The following UBASH3B variants were observed in gnomAD, a reference collection of about 807,000 sequenced individuals.
UBASH3B encodes ubiquitin associated and SH3 domain containing B.
In UBASH3B, 37 loss-of-function variants were observed where a neutral mutation model predicts 83.4. The observed-to-expected ratio is 0.44, with a 90% confidence interval of 0.34 to 0.58. The LOEUF (loss-of-function observed/expected upper bound fraction) is 0.58. UBASH3B is among the 20% of genes least tolerant of loss of function. The pLI is 0.01. For missense variants in UBASH3B, 657 were observed against 827.2 expected (o/e 0.79, Z 2.52); for synonymous variants, 304 against 318.3 (o/e 0.96, Z 0.48).
At chr11:122,760,757 A>C (rs958549326) in intron 1 of UBASH3B, among the ~76,000 whole-genome samples, 1 of 152,250 alleles carries the variant, frequency 6.6e-6, no homozygotes, top group Non-Finnish European at 1.5e-5. Flanking sequence ...TGGAGGACTC[A>C]GCATGCCATG....
intron 1 of UBASH3B, among the ~76,000 whole-genome samples, chr11:122,721,331 G>A (rs1254665828): frequency 2.0e-5 from 3 of 151,198 alleles, no homozygotes; most frequent in Non-Finnish European, 4.4e-5. Context: ...GCTCTTTATG[G>A]AATTCTGTTC....
chr11:122,746,224 C>T (rs1861116061), intron 1 of UBASH3B, among the ~76,000 whole-genome samples: 1 of 152,098 alleles, frequency 6.6e-6, no homozygotes, highest in African/African-American at 2.4e-5. Context: ...GCAGCTTTTA[C>T]GTTTTTATAA....
At chr11:122,728,225 C>T (rs1860778910) in intron 1 of UBASH3B, among the ~76,000 whole-genome samples, 1 of 151,240 alleles carries the variant, frequency 6.6e-6, no homozygotes, top group Non-Finnish European at 1.5e-5. Context: ...GTTGAGTTTA[C>T]ATGGGGAATA....
intron 1 of UBASH3B, among the ~76,000 whole-genome samples, chr11:122,706,178 G>A (rs560081644): frequency 4.3e-5 from 6 of 139,782 alleles, no homozygotes; most frequent in African/African-American, 1.4e-4. Flanking sequence ...GTGCAGTTGC[G>A]TGATCTCAGC....
At chr11:122,795,430 A>C (rs1350390932) in intron 7 of UBASH3B, among the ~76,000 whole-genome samples, 1 of 152,194 alleles carries the variant, frequency 6.6e-6, no homozygotes, top group Non-Finnish European at 1.5e-5. Flanking sequence ...CTAGAAGCAA[A>C]TGTGAAGTGC....
At position 122,687,588 on chromosome 11, in the gene UBASH3B, T is replaced by C. The variant is rs192232838; in HGVS notation, c.161+31378T>C. The stretch of plus-strand genomic sequence containing the variant: ...AGCACCTACTGCATGTCCTCTGCTA[T>C]GCTTCTACTATGTGTTTTGTATGCT... On this transcript the variant is annotated intron_variant, in intron 1 of 13. Coordinates refer to ENST00000284273, the MANE Select transcript of UBASH3B (RefSeq NM_032873.5). Among the ~76,000 whole-genome samples, 8 of 152,354 alleles carry C rather than the reference T, an allele frequency of 5.3e-5. No homozygotes were observed. The East Asian group carries it at 1.5e-3, about 29-fold the overall frequency.
rs77003034 is a variant in UBASH3B, at chr11:122,721,696, T to C, written c.162-54523T>C. Among the ~76,000 whole-genome samples the C allele has an allele frequency of 5.3e-3, 808 of 152,330 alleles. 11 individuals carry two copies. Among genetic ancestry groups the C allele is most frequent in the African/African-American group, 0.018 (766 of 41,556 alleles). ...GGTGGGAGCTACATTTGTTACTTAG[T>C]GGTTTCCAAAAGCCTTCCAGGATCT... On this transcript the variant is annotated intron_variant, in intron 1 of 13. Transcript: ENST00000284273.
chr11:122,794,486 C>G (rs769232709), intron 6 of UBASH3B, among the ~76,000 whole-genome samples: 1 of 152,100 alleles, frequency 6.6e-6, no homozygotes, highest in Admixed American at 6.6e-5. Context: ...GTGTGATCAC[C>G]ACACCCGGCC....
intron 13 of UBASH3B, among the ~76,000 whole-genome samples, chr11:122,808,766 G>C (rs183343079): frequency 1.3e-5 from 2 of 152,218 alleles, no homozygotes; most frequent in Non-Finnish European, 2.9e-5. Flanking sequence ...CAGAGAACCT[G>C]GTTCAAACTC....
intron 1 of UBASH3B, among the ~76,000 whole-genome samples, chr11:122,737,339 C>T (rs1035449076): frequency 6.6e-6 from 1 of 152,022 alleles, no homozygotes; most frequent in Non-Finnish European, 1.5e-5. Context: ...GGGCTTAACA[C>T]AGAGAGAAAA....
intron 4 of UBASH3B, among the ~76,000 whole-genome samples, chr11:122,781,495 C>G (rs929384676): frequency 1.3e-5 from 2 of 152,238 alleles, no homozygotes; most frequent in African/African-American, 4.8e-5. Context: ...GCAGTCGAAG[C>G]CCCAGCTTTC....
chr11:122,752,028 TAATAAACA>T (rs1350918193), intron 1 of UBASH3B, among the ~76,000 whole-genome samples: 3 of 152,224 alleles, frequency 2.0e-5, no homozygotes, highest in Non-Finnish European at 2.9e-5. Context: ...TATTTTAACT[TAATAAACA>T]AAAGGTATTT....
At chr11:122,715,065 C>T (rs1860490531) in intron 1 of UBASH3B, among the ~76,000 whole-genome samples, 1 of 152,196 alleles carries the variant, frequency 6.6e-6, no homozygotes, top group South Asian at 2.1e-4. Context: ...CCTGCCTCAG[C>T]CTCCCGCGTA....
intron 1 of UBASH3B, among the ~76,000 whole-genome samples, chr11:122,692,448 C>T (rs914404437): frequency 6.6e-6 from 1 of 152,092 alleles, no homozygotes; most frequent in Non-Finnish European, 1.5e-5. Context: ...CATAATTTAC[C>T]GAATTACAGC....
At chr11:122,725,716 C>CA (rs879824659) in intron 1 of UBASH3B, among the ~76,000 whole-genome samples, 7 of 152,124 alleles carry the variant, frequency 4.6e-5, no homozygotes, top group Middle Eastern at 3.4e-3. Context: ...TTTTTTGAGA[C>CA]AGAGTCTCAC....
intron 9 of UBASH3B, among the ~76,000 whole-genome samples, chr11:122,797,680 G>A (rs1383967847): frequency 6.6e-6 from 1 of 152,128 alleles, no homozygotes; most frequent in Non-Finnish European, 1.5e-5. Flanking sequence ...AGCTATGCAT[G>A]GTCACAGAAT....
At chr11:122,734,266 TG>T (rs948755517) in intron 1 of UBASH3B, among the ~76,000 whole-genome samples, 4 of 152,218 alleles carry the variant, frequency 2.6e-5, no homozygotes, top group African/African-American at 9.7e-5. Flanking sequence ...GCTGATAGCC[TG>T]GTGATCAACT....
intron 1 of UBASH3B, among the ~76,000 whole-genome samples, chr11:122,686,472 T>A (rs1863810227): frequency 6.6e-6 from 1 of 151,710 alleles, no homozygotes; most frequent in Admixed American, 6.6e-5. Flanking sequence ...GCCAGTGGAG[T>A]GGTAGATTTA....
chr11:122,711,307 A>G (rs1211739675), intron 1 of UBASH3B, among the ~76,000 whole-genome samples: 1 of 152,240 alleles, frequency 6.6e-6, no homozygotes, highest in African/African-American at 2.4e-5. Context: ...TGCTTAGGGA[A>G]AGAGAGGAGA....
Sources: allele counts gnomAD v4.1 joint callset (sites outside exome capture counted in the v4.1 genomes callset), GRCh38; gene constraint gnomAD v4.1.1; transcripts MANE v1.5; gene names NCBI Gene and HGNC (gene_info 2026-07-23, HGNC 2026-07-21).